CNTN1: variants seen among roughly 807,000 people sequenced by gnomAD.
CNTN1 encodes contactin-1.
In CNTN1, 38 loss-of-function variants were observed where a neutral mutation model predicts 126.4. That is an observed-to-expected ratio of 0.30 (90% CI 0.23 to 0.39). The LOEUF (loss-of-function observed/expected upper bound fraction) is 0.39, where lower values mean the gene tolerates loss of function less well. Among genes scored for constraint, CNTN1 ranks in the 10% least tolerant of loss-of-function variants. CNTN1 has a pLI of 1.00. For synonymous variants in CNTN1, 413 were observed against 422.6 expected (o/e 0.98, Z 0.28); for missense variants, 1,009 against 1,248.4 (o/e 0.81, Z 2.89).
chr12:40,769,534 A>G (rs1043659484), intron 1 of CNTN1, among the ~76,000 whole-genome samples: 4 of 152,152 alleles, frequency 2.6e-5, no homozygotes, highest in Admixed American at 2.6e-4. Context: ...TATGAACTGA[A>G]CTCTAGTATG....
chr12:40,833,971 C>T, intron 1 of CNTN1, among the ~76,000 whole-genome samples: 1 of 152,194 alleles, frequency 6.6e-6, no homozygotes, highest in Non-Finnish European at 1.5e-5. Context: ...AGGAACTACA[C>T]TACACATCCT....
chr12:40,711,875 G>A (rs983450736), intron 1 of CNTN1, among the ~76,000 whole-genome samples: 2 of 152,062 alleles, frequency 1.3e-5, no homozygotes, highest in African/African-American at 4.8e-5. Flanking sequence ...ATTATGGCTA[G>A]CCTGTTATTT....
intron 23 of CNTN1, among the ~76,000 whole-genome samples, chr12:41,057,017 AATG>A (rs201475465): frequency 0.047 from 2,691 of 57,128 alleles, 415 homozygotes; most frequent in African/African-American, 0.092. Context: ...GATATTTATA[AATG>A]ATATTTATAA....
chr12:40,887,211 T>C (rs950324474), intron 1 of CNTN1, among the ~76,000 whole-genome samples: 1 of 152,090 alleles, frequency 6.6e-6, no homozygotes, highest in African/African-American at 2.4e-5. Flanking sequence ...CATGGAATGT[T>C]CTTCCATTTG....
At chr12:41,006,185 C>G (rs140082804) in intron 17 of CNTN1, among the ~76,000 whole-genome samples, 1 of 152,170 alleles carries the variant, frequency 6.6e-6, no homozygotes, top group Admixed American at 6.5e-5. Flanking sequence ...ATGGGGCCAA[C>G]ATTCACCTCC....
At chr12:40,832,961 C>T (rs1256923310) in intron 1 of CNTN1, among the ~76,000 whole-genome samples, 2 of 152,176 alleles carry the variant, frequency 1.3e-5, no homozygotes, top group Non-Finnish European at 2.9e-5. Context: ...ACAGTTCCCC[C>T]TCTCTCCCTC....
rs1948791370 is a variant in CNTN1, at chr12:41,016,802, C to T, written c.2305C>T (p.His769Tyr). The change falls in exon 19 of 24, where the codon CAT becomes TAT. Residue 769 changes from histidine to tyrosine, a missense_variant. His to Tyr is a moderately conservative substitution (Grantham distance 83, BLOSUM62 2). Transcript: ENST00000551295. ...VTNPDTGRYV[H>Y]KDETMSPSTA... is the part of the protein sequence containing the mutation. The stretch of plus-strand genomic sequence containing the variant: ...TAATCCTGATACTGGCCGATATGTC[C>T]ATAAAGATGAAACCATGAGCCCTTC... 2 of 1,614,018 alleles carry T rather than the reference C, an allele frequency of 1.2e-6. No individual in the cohort carries two copies. The highest frequency in any genetic ancestry group is 1.7e-6 in the Non-Finnish European group (2 of 1,179,952).
chr12:41,055,592 G>T (rs902703221), intron 23 of CNTN1, among the ~76,000 whole-genome samples: 1 of 152,090 alleles, frequency 6.6e-6, no homozygotes, highest in African/African-American at 2.4e-5. Context: ...TCTGCACCCA[G>T]TACTGACCAC....
At chr12:40,963,036 G>A (rs2137018800) in intron 15 of CNTN1, among the ~76,000 whole-genome samples, 1 of 152,150 alleles carries the variant, frequency 6.6e-6, no homozygotes, top group Admixed American at 6.6e-5. Context: ...CCTGGCAAAA[G>A]CAGATTATCT....
intron 1 of CNTN1, among the ~76,000 whole-genome samples, chr12:40,896,310 T>C (rs961594000): frequency 6.6e-6 from 1 of 152,078 alleles, no homozygotes; most frequent in Non-Finnish European, 1.5e-5. Context: ...TCCCTCTCTC[T>C]CAGAAACTTA....
chr12:40,968,593 A>G (rs1947386790), intron 15 of CNTN1, among the ~76,000 whole-genome samples: 1 of 152,202 alleles, frequency 6.6e-6, no homozygotes, highest in Non-Finnish European at 1.5e-5. Context: ...TAGTTCATTC[A>G]GAATATTTAA....
chr12:40,707,581 C>T (rs888470364), intron 1 of CNTN1, among the ~76,000 whole-genome samples: 3 of 152,220 alleles, frequency 2.0e-5, no homozygotes, highest in South Asian at 4.2e-4. Context: ...AAGGATGGCT[C>T]TTTACAAACA....
intron 1 of CNTN1, among the ~76,000 whole-genome samples, chr12:40,787,775 A>C (rs1397064035): frequency 6.6e-6 from 1 of 152,170 alleles, no homozygotes; most frequent in African/African-American, 2.4e-5. Context: ...ATGTAGGAAA[A>C]CATTTTGCCA....
chr12:40,864,535 A>G (rs915860060), intron 1 of CNTN1, among the ~76,000 whole-genome samples: 3 of 151,990 alleles, frequency 2.0e-5, no homozygotes, highest in Admixed American at 2.0e-4. Flanking sequence ...TCTACTTTCT[A>G]TCTTTATGAT....
chr12:41,057,804 C>CATGAGATG (rs1193989624), intron 23 of CNTN1, among the ~76,000 whole-genome samples: 1 of 151,874 alleles, frequency 6.6e-6, no homozygotes, highest in Non-Finnish European at 1.5e-5. Context: ...TATACATAAG[C>CATGAGATG]ATGAGATGAT....
intron 1 of CNTN1, among the ~76,000 whole-genome samples, chr12:40,774,580 T>C (rs1939502634): frequency 6.6e-6 from 1 of 151,680 alleles, no homozygotes; most frequent in African/African-American, 2.4e-5. Context: ...TTTTAACAAA[T>C]AAATAAACTC....
intron 1 of CNTN1, among the ~76,000 whole-genome samples, chr12:40,890,102 C>T (rs1298616726): frequency 1.3e-5 from 2 of 152,130 alleles, no homozygotes; most frequent in African/African-American, 4.8e-5. Context: ...TGGACTATCT[C>T]TAAGGTCATT....
At chr12:40,803,864 T>C (rs543928693) in intron 1 of CNTN1, among the ~76,000 whole-genome samples, 7 of 151,804 alleles carry the variant, frequency 4.6e-5, no homozygotes, top group East Asian at 3.9e-4. Flanking sequence ...TTTTGGACCA[T>C]AGATCTTTGA....
chr12:40,925,829 T>C (rs1300039625), intron 6 of CNTN1, among the ~76,000 whole-genome samples: 2 of 75,920 alleles, frequency 2.6e-5, no homozygotes, highest in Non-Finnish European at 4.7e-5. Flanking sequence ...TATATATATA[T>C]GTATGTGTGT....
Sources: allele counts gnomAD v4.1 joint callset (sites outside exome capture counted in the v4.1 genomes callset), GRCh38; gene constraint gnomAD v4.1.1; transcripts MANE v1.5; gene names NCBI Gene and HGNC (gene_info 2026-07-23, HGNC 2026-07-21).